The following KANSL3 variants were observed in gnomAD, a reference collection of about 807,000 sequenced individuals.
KANSL3 encodes KAT8 regulatory NSL complex subunit 3.
A neutral mutation model predicts 89.2 loss-of-function variants in KANSL3; 16 were observed. The ratio of observed to expected loss-of-function variants is 0.18; its 90% CI spans 0.12 to 0.27. The LOEUF is 0.27. Among genes scored for constraint, KANSL3 ranks in the 10% least tolerant of loss-of-function variants. The probability of loss-of-function intolerance (pLI) is 1.00; values close to 1 mark genes in which losing one functional copy is unlikely to be tolerated. For missense variants in KANSL3, 879 were observed against 1,110.6 expected (o/e 0.79, Z 2.96); for synonymous variants, 385 against 419.7 (o/e 0.92, Z 1.01).
At position 96,637,093 on chromosome 2, in the gene KANSL3, G is replaced by A. The variant is rs2106326979; in HGVS notation, c.43C>T (p.Arg15Ter). ...AAGAGCAGCGAGGTGCCCATGCGTCGAGCTGAAGTCTGGAAGTCCCTCTCC... is the reference window on the plus strand; with the variant it reads ...AAGAGCAGCGAGGTGCCCATGCGTCAAGCTGAAGTCTGGAAGTCCCTCTCC... ...GGERDFQTSA[R>*]RMGTSLLFQL... The change falls in exon 2 of 21, where the codon CGA (arginine) becomes TGA (stop). Residue 15 changes from arginine to a stop codon, truncating the protein, a stop_gained. Coordinates refer to ENST00000431828, the MANE Select transcript of KANSL3 (RefSeq NM_001115016.3). LOFTEE classifies it high-confidence loss of function. 2 of 1,551,666 alleles carry A rather than the reference G, an allele frequency of 1.3e-6. No homozygotes were observed. The highest frequency in any genetic ancestry group is 1.4e-5 in the African/African-American group (1 of 73,158).
downstream of KANSL3, among the ~76,000 whole-genome samples, chr2:96,590,987 AAAAACAAAACAAAAC>A (rs61301801): frequency 4.0e-4 from 61 of 151,566 alleles, no homozygotes; most frequent in Non-Finnish European, 5.3e-4. Flanking sequence ...CTCCGTCTCA[AAAAACAAAACAAAAC>A]AAAACAAAAC....
the KANSL3 span, among the ~76,000 whole-genome samples, chr2:96,587,868 T>C: frequency 2.0e-5 from 3 of 151,300 alleles, no homozygotes; most frequent in Non-Finnish European, 4.4e-5. Flanking sequence ...ATAACCTAAA[T>C]GAAAAAAATC....
intron 14 of KANSL3, chr2:96,607,109 G>A: frequency 2.8e-6 from 3 of 1,079,878 alleles, no homozygotes; most frequent in Admixed American, 2.5e-5. Flanking sequence ...AAAAAGAGAG[G>A]GAATAAGAAA....
At chr2:96,620,407 A>G (rs949707688) in intron 3 of KANSL3, among the ~76,000 whole-genome samples, 3 of 152,188 alleles carry the variant, frequency 2.0e-5, no homozygotes, top group Non-Finnish European at 2.9e-5. Flanking sequence ...ATATAAGCTA[A>G]TATGTTATCA....
intron 3 of KANSL3, among the ~76,000 whole-genome samples, chr2:96,627,659 G>C (rs148443979): frequency 2.5e-3 from 383 of 151,544 alleles, no homozygotes; most frequent in Non-Finnish European, 4.0e-3. Flanking sequence ...CAGAGTTCTA[G>C]GGAGCCGACC....
intron 3 of KANSL3, among the ~76,000 whole-genome samples, chr2:96,622,848 C>T (rs762234552): frequency 7.9e-5 from 12 of 152,224 alleles, no homozygotes; most frequent in Non-Finnish European, 1.8e-4. Flanking sequence ...CCCTTCATTA[C>T]GCCAACCTGA....
At chr2:96,627,016 AT>A (rs2072465996) in intron 3 of KANSL3, among the ~76,000 whole-genome samples, 1 of 152,318 alleles carries the variant, frequency 6.6e-6, no homozygotes, top group Admixed American at 6.5e-5. Context: ...AACAGTATTA[AT>A]TTTTTTGCAA....
intron 17 of KANSL3, chr2:96,603,996 T>A (rs961327382): frequency 1.1e-4 from 40 of 368,554 alleles, no homozygotes; most frequent in Non-Finnish European, 1.9e-5. Flanking sequence ...CTCCTTACAG[T>A]AGAGGATACA....
At chr2:96,595,693 C>T (rs1020195216) in intron 20 of KANSL3, 62 bp from the exon 21 acceptor site, 14 of 1,557,420 alleles carry the variant, frequency 9.0e-6, no homozygotes, top group Admixed American at 1.8e-5. Context: ...CATATTCAGA[C>T]CCTCTATCCC....
intron 20 of KANSL3, among the ~76,000 whole-genome samples, chr2:96,599,350 T>C (rs2066867666): frequency 6.6e-6 from 1 of 152,236 alleles, no homozygotes; most frequent in Admixed American, 6.5e-5. Flanking sequence ...GTGATGGCTG[T>C]ACCACAATGT....
chr2:96,612,465 C>G lies in KANSL3; in HGVS notation c.1011G>C (p.Leu337=). 1 of 1,613,464 alleles carries G rather than the reference C, an allele frequency of 6.2e-7. No individual in the cohort carries two copies. Among genetic ancestry groups the G allele is most frequent in the Non-Finnish European group, 8.5e-7 (1 of 1,179,428 alleles). ...HMIGAVRSKV[L]EIHSHFPHKP... ...ACTGAAATACGGGCATTCTCACCTC[C>G]AGCACTTTGCTTCTCACTGCCCCAA... Residue 337 remains leucine (L), a synonymous_variant, in exon 8 of 21, where the codon CTG becomes CTC. Transcript: ENST00000431828.
chr2:96,630,812 G>A (rs562514443), intron 3 of KANSL3, among the ~76,000 whole-genome samples: 6 of 152,290 alleles, frequency 3.9e-5, no homozygotes, highest in East Asian at 3.9e-4. Flanking sequence ...CAGTATACTC[G>A]TGAAAATAGG....
intron 2 of KANSL3, 103 bp from the exon 3 acceptor site, chr2:96,631,585 A>T (rs1193719755): frequency 1.5e-6 from 2 of 1,348,812 alleles, no homozygotes; most frequent in South Asian, 2.5e-5. Flanking sequence ...TCAGCTTTAA[A>T]TTACGCATAA....
chr2:96,604,550 A>C (rs2067683333), intron 16 of KANSL3, among the ~76,000 whole-genome samples, 170 bp from the exon 17 acceptor site: 1 of 152,208 alleles, frequency 6.6e-6, no homozygotes, highest in Admixed American at 6.5e-5. Context: ...GTCTTCTAAA[A>C]GTCCTTACTT....
At chr2:96,580,859 C>T in the KANSL3 span, among the ~76,000 whole-genome samples, 1 of 152,156 alleles carries the variant, frequency 6.6e-6, no homozygotes, top group Non-Finnish European at 1.5e-5. Flanking sequence ...ACCAGGATTC[C>T]AGCCCATGAG....
intron 16 of KANSL3, 139 bp from the exon 17 acceptor site, chr2:96,604,519 A>G: frequency 9.5e-7 from 1 of 1,049,658 alleles, no homozygotes; most frequent in Non-Finnish European, 1.3e-6. Flanking sequence ...TCTTTGTCCC[A>G]CTTTCTGTAC....
chr2:96,635,402 A>G (rs973295244), intron 2 of KANSL3, among the ~76,000 whole-genome samples: 3 of 152,238 alleles, frequency 2.0e-5, no homozygotes, highest in African/African-American at 7.2e-5. Flanking sequence ...AAAAGGAAAC[A>G]ATTTTCTAAG....
intron 3 of KANSL3, among the ~76,000 whole-genome samples, chr2:96,624,645 C>T (rs571518024): frequency 2.4e-4 from 37 of 152,200 alleles, no homozygotes; most frequent in African/African-American, 8.7e-4. Context: ...CCTCAGCCTC[C>T]AGAGTAGCTA....
Position 96,605,430 on chromosome 2 carries a change from G to A in KANSL3, c.1823C>T (p.Pro608Leu), listed in dbSNP as rs779060531. Residue 608 changes from proline to leucine, a missense_variant, in exon 15 of 21, where the codon CCC becomes CTC. Around this residue, in one of 6 missense-constraint regions of KANSL3, gnomAD observed 317 missense variants for 311.2 expected, o/e 1.02. Coordinates refer to ENST00000431828, the MANE Select transcript of KANSL3 (RefSeq NM_001115016.3). Reference protein sequence around the residue: ...VQLKRHHPSSPLPGSKTSKRP... With the variant: ...VQLKRHHPSSLLPGSKTSKRP... Reference sequence around the variant, plus strand: ...TTTGGAGGTCTTACTGCCAGGAAGGGGACTCGAGGGATGGTGTCGCTTCAG... The same window carrying A: ...TTTGGAGGTCTTACTGCCAGGAAGGAGACTCGAGGGATGGTGTCGCTTCAG... The A allele has an allele frequency of 6.2e-7, 1 of 1,613,916 alleles. No homozygotes were observed. Among genetic ancestry groups the A allele is most frequent in the Non-Finnish European group, 8.5e-7 (1 of 1,179,826 alleles).
Sources: gnomAD v4.1 joint callset for allele counts (sites outside exome capture counted in the v4.1 genomes callset) on GRCh38, gnomAD v4.1.1 for gene constraint, gnomAD v4.1.1 regional missense constraint, MANE v1.5 for transcripts, NCBI Gene and HGNC (gene_info 2026-07-23, HGNC 2026-07-21) for gene names.